TAFA4: variants seen among roughly 807,000 people sequenced by gnomAD.
TAFA4 encodes TAFA chemokine like family member 4.
Under a neutral mutation model 21.1 loss-of-function variants are expected in TAFA4, and 20 were observed. That is an observed-to-expected ratio of 0.95 (90% CI 0.67 to 1.38). TAFA4 has a LOEUF of 1.38. TAFA4 is among the 40% of genes most tolerant of loss of function. TAFA4 has a pLI of 0.00. For missense variants in TAFA4, 211 were observed against 180.9 expected (o/e 1.17, Z -0.95); for synonymous variants, 71 against 67.4 (o/e 1.05, Z -0.26).
At chr3:68,926,225 C>CAA (rs566046202) in intron 1 of TAFA4, among the ~76,000 whole-genome samples, 20 of 97,026 alleles carry the variant, frequency 2.1e-4, no homozygotes, top group African/African-American at 3.9e-4. Flanking sequence ...ACTCTGTCTC[C>CAA]AAAAAAAAAA....
intron 3 of TAFA4, among the ~76,000 whole-genome samples, chr3:68,771,953 C>G (rs142459330): frequency 6.6e-6 from 1 of 151,912 alleles, no homozygotes; most frequent in Non-Finnish European, 1.5e-5. Context: ...CTTGGTAAGA[C>G]TCAAAAGCAA....
intron 3 of TAFA4, among the ~76,000 whole-genome samples, chr3:68,816,543 T>C (rs913923300): frequency 1.3e-5 from 2 of 152,242 alleles, no homozygotes; most frequent in Non-Finnish European, 2.9e-5. Context: ...GATTTTTGTA[T>C]GTTGATTTTG....
chr3:68,817,352 C>T (rs978400117), intron 3 of TAFA4, among the ~76,000 whole-genome samples: 2 of 152,190 alleles, frequency 1.3e-5, no homozygotes, highest in East Asian at 1.9e-4. Context: ...ATTTCTACTA[C>T]ATCTGCAGTT....
chr3:68,739,495 AG>A lies in TAFA4; in HGVS notation c.287-297del, dbSNP rs530697898. ...GGAAAACAGTATGGAGATTTCTCAA[AG>A]AACTAAAAATCAACCACTGAATCCA... On this transcript the variant is annotated intron_variant, in intron 4 of 5. Transcript: ENST00000295569. 7.9e-5 allele frequency among the ~76,000 whole-genome samples: 12 copies of A among 152,358 alleles called. No homozygotes were observed. In the East Asian group the frequency reaches 2.1e-3, roughly 27 times the overall value.
chr3:68,845,708 G>A (rs1457954750), intron 3 of TAFA4, among the ~76,000 whole-genome samples: 1 of 152,146 alleles, frequency 6.6e-6, no homozygotes, highest in Non-Finnish European at 1.5e-5. Flanking sequence ...TTATAAGGCT[G>A]GCCTGGTGGT....
In TAFA4 at chr3:68,830,057, G is replaced by A. The variant is rs146613883; in HGVS notation, c.130+50673C>T. On this transcript the variant is annotated intron_variant, in intron 3 of 5. Coordinates refer to ENST00000295569, the MANE Select transcript of TAFA4 (RefSeq NM_182522.5). The stretch of plus-strand genomic sequence containing the variant: ...TATCCCTTTTTTCAGGTTTTATTGC[G>A]TCTACTTGATTCTTCTCTCTTTTCT... Among the ~76,000 whole-genome samples the A allele has an allele frequency of 4.5e-3, 687 of 151,932 alleles. 4 individuals are homozygous for A. Among genetic ancestry groups the A allele is most frequent in the Middle Eastern group, 0.031 (9 of 294 alleles).
At chr3:68,929,328 C>T (rs2090138949) in intron 1 of TAFA4, among the ~76,000 whole-genome samples, 2 of 152,206 alleles carry the variant, frequency 1.3e-5, no homozygotes, top group Non-Finnish European at 2.9e-5. Context: ...TTCACCAATA[C>T]CTTTGTGGAT....
At chr3:68,887,802 G>C (rs1228251911) in intron 1 of TAFA4, among the ~76,000 whole-genome samples, 3 of 152,054 alleles carry the variant, frequency 2.0e-5, no homozygotes, top group Admixed American at 6.5e-5. Flanking sequence ...TTGCCCTCAA[G>C]GTGCTAGCTT....
chr3:68,901,303 C>G (rs974628742), intron 1 of TAFA4, among the ~76,000 whole-genome samples: 5 of 151,694 alleles, frequency 3.3e-5, no homozygotes, highest in Admixed American at 2.6e-4. Context: ...AGAACTCCTA[C>G]AGCTATTTCA....
chr3:68,743,684 T>G (rs1702400858), intron 4 of TAFA4, among the ~76,000 whole-genome samples: 1 of 152,122 alleles, frequency 6.6e-6, no homozygotes, highest in Non-Finnish European at 1.5e-5. Flanking sequence ...GCACTTCTAC[T>G]TACTGTTCCT....
intron 1 of TAFA4, among the ~76,000 whole-genome samples, chr3:68,908,326 T>C (rs967876390): frequency 6.6e-6 from 1 of 152,176 alleles, no homozygotes; most frequent in East Asian, 1.9e-4. Flanking sequence ...AGAGTCCTTC[T>C]CTTAACAACA....
chr3:68,922,060 T>C (rs969153740), intron 1 of TAFA4, among the ~76,000 whole-genome samples: 1 of 152,202 alleles, frequency 6.6e-6, no homozygotes, highest in Non-Finnish European at 1.5e-5. Flanking sequence ...AATCATACTA[T>C]TTAGACAAGC....
At chr3:68,834,967 T>C (rs779690830) in intron 3 of TAFA4, among the ~76,000 whole-genome samples, 1 of 152,148 alleles carries the variant, frequency 6.6e-6, no homozygotes, top group African/African-American at 2.4e-5. Flanking sequence ...AACCCTCTAA[T>C]ATATGGTCAT....
At chr3:68,874,875 T>C (rs1281812224) in intron 3 of TAFA4, among the ~76,000 whole-genome samples, 1 of 152,162 alleles carries the variant, frequency 6.6e-6, no homozygotes, top group Non-Finnish European at 1.5e-5. Context: ...GCACTGGGAC[T>C]TGAACTTGCA....
intron 5 of TAFA4, among the ~76,000 whole-genome samples, chr3:68,734,374 A>G (rs1702202939): frequency 6.6e-6 from 1 of 152,064 alleles, no homozygotes; most frequent in South Asian, 2.1e-4. Flanking sequence ...AATATGGGCA[A>G]TGGAGAAAAG....
intron 1 of TAFA4, among the ~76,000 whole-genome samples, chr3:68,931,430 A>C (rs924787937): frequency 6.6e-6 from 1 of 152,092 alleles, no homozygotes; most frequent in Non-Finnish European, 1.5e-5. Context: ...TCGAGAAGAA[A>C]ACGCACCAGC....
intron 3 of TAFA4, among the ~76,000 whole-genome samples, chr3:68,823,202 T>G (rs1180294403): frequency 1.3e-5 from 2 of 152,154 alleles, no homozygotes; most frequent in Non-Finnish European, 2.9e-5. Flanking sequence ...GGTGCTGAAC[T>G]TGGATGAGAT....
chr3:68,906,734 C>T (rs2089904536), intron 1 of TAFA4, among the ~76,000 whole-genome samples: 1 of 151,966 alleles, frequency 6.6e-6, no homozygotes, highest in African/African-American at 2.4e-5. Flanking sequence ...TTGTACAGAA[C>T]TCACTGTCAT....
At chr3:68,874,567 C>T (rs1464177000) in intron 3 of TAFA4, among the ~76,000 whole-genome samples, 55 of 151,970 alleles carry the variant, frequency 3.6e-4, no homozygotes, top group African/African-American at 2.4e-5. Flanking sequence ...AGTCTAAGGC[C>T]GTGGCTTGAA....
Sources: allele counts gnomAD v4.1 joint callset (sites outside exome capture counted in the v4.1 genomes callset), GRCh38; gene constraint gnomAD v4.1.1; transcripts MANE v1.5; gene names NCBI Gene and HGNC (gene_info 2026-07-23, HGNC 2026-07-21).